CATSPERB: variants seen among roughly 807,000 people sequenced by gnomAD.
The protein encoded by CATSPERB is catsper channel auxiliary subunit beta, also known as cation channel sperm-associated auxiliary subunit beta.
CATSPERB carries 93 observed loss-of-function variants against 128.3 expected under a neutral mutation model. The ratio of observed to expected loss-of-function variants is 0.72; its 90% CI spans 0.61 to 0.86. The LOEUF (loss-of-function observed/expected upper bound fraction) is 0.86. Ranked by LOEUF, CATSPERB falls within the 40% of genes least tolerant of loss-of-function variation. The pLI is 0.00. For synonymous variants in CATSPERB, 381 were observed against 448.8 expected (o/e 0.85, Z 1.91); for missense variants, 1,153 against 1,329.5 (o/e 0.87, Z 2.06).
intron 15 of CATSPERB, among the ~76,000 whole-genome samples, chr14:91,644,141 T>C (rs1894547926): frequency 7.5e-6 from 1 of 133,546 alleles, no homozygotes; most frequent in Non-Finnish European, 1.6e-5. Flanking sequence ...TACAGCACAC[T>C]GATGGGTCTT....
chr14:91,719,591 C>T (rs372273250), intron 4 of CATSPERB, 113 bp from the exon 5 acceptor site: 1 of 672,246 alleles, frequency 1.5e-6, no homozygotes, highest in Non-Finnish European at 2.4e-6. Flanking sequence ...ATGCATATAC[C>T]TTTTACCTAG....
chr14:91,640,403 C>CCCCCCA (rs1894474114), intron 15 of CATSPERB, among the ~76,000 whole-genome samples: 1 of 97,566 alleles, frequency 1.0e-5, no homozygotes, highest in Non-Finnish European at 2.0e-5. Flanking sequence ...CCTCCCCCCA[C>CCCCCCA]CCCACCACAG....
At chr14:91,583,846 TTG>T (rs1210530239) in intron 26 of CATSPERB, among the ~76,000 whole-genome samples, 1 of 152,038 alleles carries the variant, frequency 6.6e-6, no homozygotes, top group East Asian at 1.9e-4. Flanking sequence ...AGCTTATGGG[TTG>T]TGTTTCATTG....
At chr14:91,627,112 A>C (rs924357508) in intron 17 of CATSPERB, among the ~76,000 whole-genome samples, 2 of 152,260 alleles carry the variant, frequency 1.3e-5, no homozygotes, top group Admixed American at 1.3e-4. Context: ...CCAATTAGTA[A>C]AGATTTTTAA....
At chr14:91,725,277 T>C (rs1165414047) in intron 2 of CATSPERB, 109 bp from the exon 3 acceptor site, 5 of 472,332 alleles carry the variant, frequency 1.1e-5, no homozygotes, top group African/African-American at 6.0e-5. Flanking sequence ...AGAATTATAA[T>C]TGCACATTTT....
At chr14:91,591,838 A>G in intron 23 of CATSPERB, 54 bp downstream of exon 23, 1 of 1,245,892 alleles carries the variant, frequency 8.0e-7, no homozygotes, top group Non-Finnish European at 1.2e-6. Flanking sequence ...GCACATTTCA[A>G]AATCTTGTTA....
intron 15 of CATSPERB, among the ~76,000 whole-genome samples, chr14:91,647,083 G>A (rs1299261424): frequency 1.3e-5 from 2 of 152,172 alleles, no homozygotes; most frequent in East Asian, 1.9e-4. Context: ...GCTGGGTGTG[G>A]TGGTGGGCAC....
At chr14:91,663,216 C>G (rs1894915618) in intron 14 of CATSPERB, among the ~76,000 whole-genome samples, 1 of 152,146 alleles carries the variant, frequency 6.6e-6, no homozygotes, top group Non-Finnish European at 1.5e-5. Context: ...AGAAAACTGA[C>G]TGCTAAATGG....
At chr14:91,598,432 G>T (rs1293466082) in intron 22 of CATSPERB, among the ~76,000 whole-genome samples, 5 of 151,790 alleles carry the variant, frequency 3.3e-5, no homozygotes, top group South Asian at 2.1e-4. Flanking sequence ...TGACCAGTTT[G>T]TCTACAAGTA....
At chr14:91,599,615 G>A (rs962994827) in intron 22 of CATSPERB, among the ~76,000 whole-genome samples, 2 of 151,792 alleles carry the variant, frequency 1.3e-5, no homozygotes. Context: ...CACAGCCGCA[G>A]GAAGTCCTGA....
At chr14:91,671,887 C>G (rs944086451) in intron 13 of CATSPERB, among the ~76,000 whole-genome samples, 1 of 151,790 alleles carries the variant, frequency 6.6e-6, no homozygotes, top group Admixed American at 6.6e-5. Flanking sequence ...GGCATGGTGG[C>G]GGGCGCCTGT....
At chr14:91,605,467 G>A (rs1390659637) in intron 22 of CATSPERB, 1 of 442,260 alleles carries the variant, frequency 2.3e-6, no homozygotes, top group Non-Finnish European at 4.0e-6. Flanking sequence ...GTGAGTCGCC[G>A]CCACAGTAAC....
intron 20 of CATSPERB, among the ~76,000 whole-genome samples, chr14:91,612,800 G>T (rs1303446047): frequency 2.6e-5 from 4 of 152,124 alleles, no homozygotes; most frequent in African/African-American, 9.7e-5. Context: ...ACTATTAAAG[G>T]AAATACAGAG....
At chr14:91,658,514 A>G (rs1031181479) in intron 15 of CATSPERB, among the ~76,000 whole-genome samples, 1 of 151,272 alleles carries the variant, frequency 6.6e-6, no homozygotes, top group African/African-American at 2.4e-5. Flanking sequence ...ATAATAATTT[A>G]TTATATATTT....
Position 91,603,811 on chromosome 14 carries a change from G to C in CATSPERB, c.2709+4483C>G, listed in dbSNP as rs1893649941. Among the ~76,000 whole-genome samples, 4 of 152,140 alleles carry C rather than the reference G, an allele frequency of 2.6e-5. No individual in the cohort carries two copies. In the South Asian group the frequency reaches 8.3e-4, roughly 32 times the overall value. On this transcript the variant is annotated intron_variant, in intron 22 of 26. Coordinates refer to ENST00000256343, the MANE Select transcript of CATSPERB (RefSeq NM_024764.4). ...TCTATCACGAGAACAGCACTAGTGG[G>C]ATGGTGCTAAACCATTCGTGAGAGA...
rs373243024 is a variant in CATSPERB at position 91,708,143 on chromosome 14, C to G, written c.464G>C (p.Arg155Pro). The change falls in exon 6 of 27, where the codon CGA becomes CCA. Residue 155 changes from arginine to proline, a missense_variant and splice_region_variant. By Grantham distance (103) the Arg-to-Pro change is moderately radical (BLOSUM62 -2). Transcript: ENST00000256343. ...ATEGTLLDVI[R>P]EPILQWTPGD... Reference sequence around the variant, plus strand: ...TACTTCTGTCTGTTGGCATTTACCTCGAATAACATCCAATAGAGTTCCTTC... The same window carrying G: ...TACTTCTGTCTGTTGGCATTTACCTGGAATAACATCCAATAGAGTTCCTTC... 6 of 1,601,560 alleles carry G rather than the reference C, an allele frequency of 3.7e-6. No homozygotes were observed. Among genetic ancestry groups the G allele is most frequent in the Non-Finnish European group, 5.1e-6 (6 of 1,170,224 alleles).
intron 10 of CATSPERB, among the ~76,000 whole-genome samples, chr14:91,690,729 G>T (rs1895453508): frequency 1.3e-5 from 2 of 152,182 alleles, no homozygotes; most frequent in South Asian, 4.1e-4. Flanking sequence ...CTTTCTCATA[G>T]ACAGTGTGAA....
At position 91,610,612 on chromosome 14, in the gene CATSPERB, C is replaced by T. The variant is rs1334336759; in HGVS notation, c.2466G>A (p.Val822=). 1.9e-5 allele frequency: 31 copies of T among 1,613,962 alleles called. No individual in the cohort carries two copies. The highest frequency in any genetic ancestry group is 2.5e-5 in the Non-Finnish European group (30 of 1,180,030). ...ASTECFVTTM[V]PTLKSSCSYL... ...AACTACAGCTGCTTTTCAGTGTTGG[C>T]ACCATTGTCGTAACAAAGCACTCAG... is the stretch of plus-strand genomic sequence containing the variant. The change falls in exon 21 of 27, where the codon GTG becomes GTA. Residue 822 remains valine, a synonymous_variant. Transcript: ENST00000256343.
At chr14:91,660,886 A>G (rs1053326391) in intron 14 of CATSPERB, among the ~76,000 whole-genome samples, 1 of 152,236 alleles carries the variant, frequency 6.6e-6, no homozygotes, top group Non-Finnish European at 1.5e-5. Context: ...AGATACCAAT[A>G]GAATATGTAC....
Sources: gnomAD v4.1 joint callset for allele counts (sites outside exome capture counted in the v4.1 genomes callset) on GRCh38, gnomAD v4.1.1 for gene constraint, MANE v1.5 for transcripts, NCBI Gene and HGNC (gene_info 2026-07-23, HGNC 2026-07-21) for gene names.